The following DCDC1 variants were observed in gnomAD, a reference collection of about 807,000 sequenced individuals.
The protein encoded by DCDC1 is doublecortin domain containing 1, also known as doublecortin domain-containing protein 1.
Under a neutral mutation model 178.3 loss-of-function variants are expected in DCDC1, and 200 were observed. That is an observed-to-expected ratio of 1.12 (90% CI 1.00 to 1.26). The LOEUF (loss-of-function observed/expected upper bound fraction) is 1.26, where lower values mean the gene tolerates loss of function less well. Ranked by LOEUF, DCDC1 falls within the 50% of genes most tolerant of loss-of-function variation. The probability of loss-of-function intolerance (pLI) is 0.00; values close to 1 mark genes in which losing one functional copy is unlikely to be tolerated. For missense variants in DCDC1, 1,983 were observed against 1,749.2 expected (o/e 1.13, Z -2.38); for synonymous variants, 690 against 604.8 (o/e 1.14, Z -2.07).
At chr11:30,894,137 G>T in intron 35 of DCDC1, 111 bp downstream of exon 35, 1 of 1,410,060 alleles carries the variant, frequency 7.1e-7, no homozygotes, top group South Asian at 1.5e-5. Context: ...GGTCATAACT[G>T]ATCAGATGCT....
At chr11:31,072,962 C>T (rs1310501836) in intron 18 of DCDC1, among the ~76,000 whole-genome samples, 2 of 152,064 alleles carry the variant, frequency 1.3e-5, no homozygotes, top group African/African-American at 4.8e-5. Flanking sequence ...TATTAATATC[C>T]TAAAGCAGCA....
chr11:31,368,077 TGTAA>T (rs1268307225), intron 1 of DCDC1, among the ~76,000 whole-genome samples: 2 of 152,056 alleles, frequency 1.3e-5, no homozygotes, highest in Non-Finnish European at 2.9e-5. Context: ...ACCGTGGAAA[TGTAA>T]GTAAGGTCTA....
chr11:31,082,484 T>C (rs1957234983), intron 17 of DCDC1, among the ~76,000 whole-genome samples: 1 of 152,098 alleles, frequency 6.6e-6, no homozygotes, highest in Admixed American at 6.6e-5. Flanking sequence ...CTAAGTAGTG[T>C]AACCCTATTA....
chr11:31,367,162 AGTGGCATGCACCT>A (rs1444971268), intron 1 of DCDC1, among the ~76,000 whole-genome samples: 9 of 152,128 alleles, frequency 5.9e-5, no homozygotes, highest in Non-Finnish European at 1.0e-4. Flanking sequence ...AGCCAGGCAT[AGTGGCATGCACCT>A]GTGGTCCCAA....
intron 20 of DCDC1, among the ~76,000 whole-genome samples, chr11:30,960,977 T>C (rs1322307949): frequency 2.0e-5 from 3 of 152,062 alleles, no homozygotes; most frequent in Non-Finnish European, 4.4e-5. Context: ...TTAAAAGAAA[T>C]ACTAGGGTCT....
chr11:31,337,309 C>T (rs1264898571), intron 1 of DCDC1, among the ~76,000 whole-genome samples: 5 of 152,196 alleles, frequency 3.3e-5, no homozygotes, highest in Non-Finnish European at 7.4e-5. Context: ...AAAAGTAGCA[C>T]TCTACAGTGA....
chr11:30,964,737 T>G (rs1479392824), intron 20 of DCDC1, among the ~76,000 whole-genome samples: 1 of 152,164 alleles, frequency 6.6e-6, no homozygotes, highest in Admixed American at 6.6e-5. Flanking sequence ...CTACAATCAT[T>G]GCATTCAAGA....
At chr11:31,090,882 T>A (rs1212731152) in intron 17 of DCDC1, among the ~76,000 whole-genome samples, 1 of 152,138 alleles carries the variant, frequency 6.6e-6, no homozygotes, top group East Asian at 1.9e-4. Flanking sequence ...TTGAGACTCT[T>A]GGAGATAAAT....
At chr11:30,916,720 T>C in intron 26 of DCDC1, 150 bp downstream of exon 26, 1 of 988,042 alleles carries the variant, frequency 1.0e-6, no homozygotes, top group Non-Finnish European at 1.4e-6. Flanking sequence ...ATTTTGTAAA[T>C]ATTTTAATCA....
chr11:31,365,765 T>C (rs1239592172), intron 1 of DCDC1, among the ~76,000 whole-genome samples: 2 of 152,164 alleles, frequency 1.3e-5, no homozygotes, highest in African/African-American at 4.8e-5. Flanking sequence ...ATCAAATATT[T>C]AATATACGCC....
At chr11:31,160,702 G>A (rs1258622500) in intron 9 of DCDC1, among the ~76,000 whole-genome samples, 1 of 152,130 alleles carries the variant, frequency 6.6e-6, no homozygotes, top group Non-Finnish European at 1.5e-5. Flanking sequence ...GGTTAGTCCT[G>A]TCTCAGAATG....
rs1565045662 is a variant in DCDC1, at chr11:30,899,633, T to G, written c.4673A>C (p.Lys1558Thr). The G allele has an allele frequency of 6.4e-7, 1 of 1,559,104 alleles. No individual in the cohort carries two copies. Among genetic ancestry groups the G allele is most frequent in the Non-Finnish European group, 8.7e-7 (1 of 1,151,724 alleles). Residue 1558 changes from lysine to threonine, a missense_variant, in exon 34 of 39, where the codon AAA (lysine) becomes ACA (threonine). By Grantham distance (78) the Lys-to-Thr change is moderately conservative. Coordinates refer to ENST00000684477, the MANE Select transcript of DCDC1 (RefSeq NM_001387274.1). ...EPFLPPNALQKAEKLEKQNWL... is the reference protein window; with the variant it reads ...EPFLPPNALQTAEKLEKQNWL... ...GTTCTGTTTCTCTAATTTTTCTGCT[T>G]TCTGCAAAGCTAGAATAATAAAAAT...
At chr11:31,049,443 T>C (rs1032609083) in intron 20 of DCDC1, among the ~76,000 whole-genome samples, 3 of 152,174 alleles carry the variant, frequency 2.0e-5, no homozygotes, top group African/African-American at 7.2e-5. Context: ...ATTCAGAGAC[T>C]GAACAAATAC....
intron 36 of DCDC1, among the ~76,000 whole-genome samples, chr11:30,888,104 AAGAAAGAAAG>A (rs1565029794): frequency 0.013 from 1,287 of 102,224 alleles, 25 homozygotes; most frequent in Non-Finnish European, 0.014. Flanking sequence ...AAGAAAAAGA[AAGAAAGAAAG>A]AAAGAAAGAA....
chr11:31,094,105 C>T lies in DCDC1; in HGVS notation c.2063G>A (p.Ser688Asn). 2 of 766,244 alleles carry T rather than the reference C, an allele frequency of 2.6e-6. No individual in the cohort carries two copies. Among genetic ancestry groups the T allele is most frequent in the Middle Eastern group, 4.5e-4 (2 of 4,440 alleles). 47.5% of individuals were successfully genotyped at this position (766,244 alleles called of 1,614,324 possible). A position where few individuals can be genotyped will look rare whatever the true frequency, so the allele number is the denominator to read the frequency against. The change falls in exon 16 of 39, where the codon AGT (serine) becomes AAT (asparagine). Residue 688 changes from serine to asparagine, a missense_variant. Ser to Asn is a conservative substitution (Grantham distance 46). Transcript: ENST00000684477. ...SFSGSEASSRSQIAPSILWPV... is the reference protein window; with the variant it reads ...SFSGSEASSRNQIAPSILWPV... ...CCACAGGATCGATGGCGCTATTTGA[C>T]TCCTGCTGCTTGCTTCACTGCCTGA...
intron 18 of DCDC1, among the ~76,000 whole-genome samples, chr11:31,065,480 C>G (rs1025403658): frequency 2.0e-5 from 3 of 151,996 alleles, no homozygotes; most frequent in African/African-American, 7.2e-5. Flanking sequence ...TTATTGTATA[C>G]ACAACACATG....
rs1555090401 is a variant in DCDC1, at chr11:31,157,372, A to AATAT, written c.1222-19592_1222-19589dup. 7.8e-4 allele frequency among the ~76,000 whole-genome samples: 76 copies of AATAT among 96,856 alleles called. 1 individual carries two copies. The highest frequency in any genetic ancestry group is 3.3e-3 in the East Asian group (10 of 3,028). The allele number at this position is 96,856 out of a possible 152,430, so 63.5% of individuals were successfully genotyped here. On this transcript the variant is annotated intron_variant, in intron 9 of 38. Coordinates refer to ENST00000684477, the MANE Select transcript of DCDC1 (RefSeq NM_001387274.1). Reference sequence around the variant, plus strand: ...CCCTTTCTCAAAAAAAAAAAAAAAAAATATATATATATATACATATATATA... The same window carrying AATAT: ...CCCTTTCTCAAAAAAAAAAAAAAAAAATATATATATATATATATACATATATATA...
intron 20 of DCDC1, among the ~76,000 whole-genome samples, chr11:30,980,480 C>G (rs1201337713): frequency 6.6e-6 from 1 of 152,074 alleles, no homozygotes; most frequent in Middle Eastern, 3.2e-3. Context: ...GAAAGGTAGA[C>G]AAGAGATAGC....
At chr11:31,298,098 C>G (rs1947830986) in intron 6 of DCDC1, among the ~76,000 whole-genome samples, 2 of 152,180 alleles carry the variant, frequency 1.3e-5, no homozygotes, top group Non-Finnish European at 2.9e-5. Flanking sequence ...GTTCACAAAT[C>G]TCAACGGCAG....
Sources: gnomAD v4.1 joint callset for allele counts (sites outside exome capture counted in the v4.1 genomes callset) on GRCh38, gnomAD v4.1.1 for gene constraint, MANE v1.5 for transcripts, NCBI Gene and HGNC (gene_info 2026-07-23, HGNC 2026-07-21) for gene names.